Variants in NELL2 observed in about 807,000 individuals in gnomAD.
NELL2 encodes the protein protein kinase C-binding protein NELL2.
Under a neutral mutation model 109.6 loss-of-function variants are expected in NELL2, and 41 were observed. That is an observed-to-expected ratio of 0.37 (90% CI 0.29 to 0.49). The LOEUF (loss-of-function observed/expected upper bound fraction) is 0.49, where lower values mean the gene tolerates loss of function less well. Among genes scored for constraint, NELL2 ranks in the 20% least tolerant of loss-of-function variants. The pLI is 0.98. For missense variants in NELL2, 900 were observed against 1,008.3 expected (o/e 0.89, Z 1.45); for synonymous variants, 355 against 344.7 (o/e 1.03, Z -0.33).
At chr12:44,858,431 A>G (rs1033190791) in intron 2 of NELL2, among the ~76,000 whole-genome samples, 2 of 152,180 alleles carry the variant, frequency 1.3e-5, no homozygotes, top group Non-Finnish European at 2.9e-5. Context: ...CTTTCCCAAG[A>G]ATGAAGACTA....
At chr12:44,747,501 C>A (rs1940439076) in intron 9 of NELL2, among the ~76,000 whole-genome samples, 1 of 151,718 alleles carries the variant, frequency 6.6e-6, no homozygotes, top group Admixed American at 6.6e-5. Flanking sequence ...ATATAGCATA[C>A]AAAATATGTG....
chr12:44,785,227 T>C (rs1157669070), intron 3 of NELL2, among the ~76,000 whole-genome samples: 2 of 152,210 alleles, frequency 1.3e-5, no homozygotes, highest in African/African-American at 4.8e-5. Flanking sequence ...AGCATTCCTA[T>C]ACACCAATAA....
At chr12:44,693,506 A>G (rs73287723) in intron 12 of NELL2, among the ~76,000 whole-genome samples, 4,370 of 152,284 alleles carry the variant, frequency 0.029, 193 homozygotes, top group African/African-American at 0.097. Flanking sequence ...TTGTATGAGA[A>G]ACCACGCCTA....
At chr12:44,629,562 T>G (rs1358860284) in intron 13 of NELL2, among the ~76,000 whole-genome samples, 1 of 152,142 alleles carries the variant, frequency 6.6e-6, no homozygotes, top group Admixed American at 6.5e-5. Context: ...AGCCAAAGTC[T>G]TCATGGATAG....
At chr12:44,676,818 G>A (rs1020495810) in intron 12 of NELL2, among the ~76,000 whole-genome samples, 3 of 152,068 alleles carry the variant, frequency 2.0e-5, no homozygotes, top group African/African-American at 4.8e-5. Context: ...TGTGGAATGT[G>A]GGGAACAAAG....
rs148807664 is a variant in NELL2, at chr12:44,513,601, C to A, written c.2401-4617G>T. ...AACTACTAAAAATTAAGTGGAAATTCTGGAACTGAAAAATGCAATATCTGA... is the reference window on the plus strand; with the variant it reads ...AACTACTAAAAATTAAGTGGAAATTATGGAACTGAAAAATGCAATATCTGA... On this transcript the variant is annotated intron_variant, in intron 19 of 19. Transcript: ENST00000429094. 2.5e-4 allele frequency among the ~76,000 whole-genome samples: 38 copies of A among 151,934 alleles called. No homozygotes were observed. In the East Asian group the frequency reaches 6.7e-3, roughly 27 times the overall value.
At chr12:44,550,692 G>A (rs1943012016) in intron 15 of NELL2, among the ~76,000 whole-genome samples, 1 of 152,082 alleles carries the variant, frequency 6.6e-6, no homozygotes, top group Non-Finnish European at 1.5e-5. Context: ...CATTAAAAAG[G>A]AAGAAAATTC....
intron 2 of NELL2, among the ~76,000 whole-genome samples, chr12:44,843,442 G>T (rs1944284841): frequency 6.6e-6 from 1 of 152,060 alleles, no homozygotes; most frequent in Non-Finnish European, 1.5e-5. Flanking sequence ...GAAATTGCTG[G>T]CAGGATTATA....
chr12:44,695,034 T>A (rs1592351139), intron 12 of NELL2, among the ~76,000 whole-genome samples: 56 of 99,470 alleles, frequency 5.6e-4, no homozygotes, highest in African/African-American at 1.2e-3. Context: ...AAGGAAAAAA[T>A]GAAGGAAGGA....
intron 9 of NELL2, among the ~76,000 whole-genome samples, chr12:44,763,958 A>G (rs763321588): frequency 9.2e-5 from 14 of 152,206 alleles, no homozygotes; most frequent in Non-Finnish European, 1.9e-4. Flanking sequence ...GAGACAGCAC[A>G]ATCTTTCTCA....
At chr12:44,890,407 A>C (rs948794409) in intron 1 of NELL2, among the ~76,000 whole-genome samples, 5 of 152,242 alleles carry the variant, frequency 3.3e-5, no homozygotes, top group African/African-American at 9.6e-5. Flanking sequence ...CGACACAGAC[A>C]AGTCAAGTAA....
At chr12:44,896,937 A>G (rs1298943412) in intron 1 of NELL2, among the ~76,000 whole-genome samples, 1 of 152,222 alleles carries the variant, frequency 6.6e-6, no homozygotes, top group Non-Finnish European at 1.5e-5. Flanking sequence ...TGAAGATAAT[A>G]GGAAAGCAAT....
chr12:44,860,824 A>C (rs865925831), intron 2 of NELL2, among the ~76,000 whole-genome samples: 3 of 152,228 alleles, frequency 2.0e-5, no homozygotes. Context: ...GCTGACTCTC[A>C]ATCAGCCTAC....
chr12:44,700,717 T>C (rs920644058), intron 12 of NELL2, among the ~76,000 whole-genome samples: 8 of 152,138 alleles, frequency 5.3e-5, no homozygotes, highest in African/African-American at 1.7e-4. Context: ...TCTTTTAGAA[T>C]AGTTGCCACA....
intron 3 of NELL2, among the ~76,000 whole-genome samples, chr12:44,786,770 A>G (rs1382869149): frequency 1.3e-5 from 2 of 152,140 alleles, no homozygotes; most frequent in African/African-American, 4.8e-5. Flanking sequence ...GCAAACTAAC[A>G]CAGGAAGAGA....
chr12:44,740,676 G>A (rs1265761103), intron 9 of NELL2, among the ~76,000 whole-genome samples: 1 of 152,162 alleles, frequency 6.6e-6, no homozygotes, highest in Non-Finnish European at 1.5e-5. Flanking sequence ...CTAGAATGGG[G>A]ATGTTAGTTT....
intron 13 of NELL2, among the ~76,000 whole-genome samples, chr12:44,614,707 T>A (rs905333243): frequency 5.9e-5 from 9 of 152,074 alleles, no homozygotes; most frequent in Non-Finnish European, 1.2e-4. Flanking sequence ...TCATCAGTCA[T>A]AATAACATGG....
chr12:44,828,428 T>C (rs1943783095), intron 2 of NELL2, among the ~76,000 whole-genome samples: 1 of 152,188 alleles, frequency 6.6e-6, no homozygotes, highest in African/African-American at 2.4e-5. Flanking sequence ...CTTCAAAAAT[T>C]TCTTTCGAAT....
intron 9 of NELL2, among the ~76,000 whole-genome samples, chr12:44,734,993 G>A (rs1939564105): frequency 6.6e-6 from 1 of 151,950 alleles, no homozygotes; most frequent in South Asian, 2.1e-4. Flanking sequence ...CTCCCTTCTG[G>A]TTTCAACTGT....
Sources: allele counts gnomAD v4.1 joint callset (sites outside exome capture counted in the v4.1 genomes callset), GRCh38; gene constraint gnomAD v4.1.1; transcripts MANE v1.5; gene names NCBI Gene and HGNC (gene_info 2026-07-23, HGNC 2026-07-21).